Variants in GRM5 observed in about 807,000 individuals in gnomAD.
The protein encoded by GRM5 is glutamate metabotropic receptor 5.
In GRM5, 19 loss-of-function variants were observed where a neutral mutation model predicts 83.1. That is an observed-to-expected ratio of 0.23 (90% CI 0.16 to 0.34). GRM5 has a LOEUF of 0.34. Among genes scored for constraint, GRM5 ranks in the 10% least tolerant of loss-of-function variants. The pLI is 1.00. For synonymous variants in GRM5, 675 were observed against 633.6 expected, an observed-to-expected ratio of 1.07 and a Z score of -0.98; for missense variants, 1,160 against 1,588.3, an observed-to-expected ratio of 0.73 and a Z score of 4.58.
chr11:88,635,842 C>T (rs533047820), intron 4 of GRM5, among the ~76,000 whole-genome samples: 48 of 152,182 alleles, frequency 3.2e-4, no homozygotes, highest in African/African-American at 1.0e-3. Flanking sequence ...CTTTAATTCA[C>T]GTTGAGTTGA....
intron 3 of GRM5, among the ~76,000 whole-genome samples, chr11:88,717,479 G>A (rs903334636): frequency 2.0e-5 from 3 of 151,538 alleles, no homozygotes; most frequent in Admixed American, 1.3e-4. Flanking sequence ...TTTTACTGAT[G>A]AAGAAATTAA....
intron 2 of GRM5, among the ~76,000 whole-genome samples, chr11:88,942,134 G>A (rs1256612674): frequency 6.6e-6 from 1 of 152,070 alleles, no homozygotes; most frequent in African/African-American, 2.4e-5. Flanking sequence ...AATTTGTATG[G>A]CCTGTGTATA....
At chr11:88,574,885 C>G (rs192350901) in intron 7 of GRM5, among the ~76,000 whole-genome samples, 62 of 151,830 alleles carry the variant, frequency 4.1e-4, no homozygotes, top group Admixed American at 3.3e-3. Context: ...AAGAATGAGA[C>G]AGTAACCAGT....
chr11:88,647,857 A>G (rs1939507522), intron 4 of GRM5, among the ~76,000 whole-genome samples: 1 of 152,138 alleles, frequency 6.6e-6, no homozygotes. Context: ...ATCAACAGAC[A>G]CTTCTCAAAA....
chr11:88,740,409 A>G (rs1050625552), intron 3 of GRM5, among the ~76,000 whole-genome samples: 1 of 152,208 alleles, frequency 6.6e-6, no homozygotes, highest in African/African-American at 2.4e-5. Context: ...ACTATTAAAT[A>G]TATCTTGGAG....
At chr11:88,774,433 C>T (rs1021395749) in intron 3 of GRM5, among the ~76,000 whole-genome samples, 1 of 152,116 alleles carries the variant, frequency 6.6e-6, no homozygotes, top group Non-Finnish European at 1.5e-5. Flanking sequence ...TAATTGAATA[C>T]CCTTTATTTC....
intron 3 of GRM5, among the ~76,000 whole-genome samples, chr11:88,829,292 C>T (rs1024767624): frequency 2.6e-5 from 4 of 152,156 alleles, no homozygotes; most frequent in Non-Finnish European, 4.4e-5. Context: ...AAAACCCTGT[C>T]TCTACTAAAA....
chr11:89,023,140 A>AGT (rs61343398), intron 2 of GRM5, among the ~76,000 whole-genome samples: 53,236 of 146,708 alleles, frequency 0.36, 9,690 homozygotes, highest in Non-Finnish European at 0.41. Context: ...ATATGCAAAG[A>AGT]GTGTGTGTGT....
chr11:88,998,114 G>A (rs1002305590), intron 2 of GRM5, among the ~76,000 whole-genome samples: 1 of 150,730 alleles, frequency 6.6e-6, no homozygotes, highest in Non-Finnish European at 1.5e-5. Context: ...CAGTAAAGAA[G>A]GAAGGAAGGA....
chr11:88,885,814 A>G (rs1945035945), intron 2 of GRM5, among the ~76,000 whole-genome samples: 1 of 152,180 alleles, frequency 6.6e-6, no homozygotes, highest in African/African-American at 2.4e-5. Flanking sequence ...AGCAGCCTGG[A>G]AAGTTGAGCT....
intron 7 of GRM5, among the ~76,000 whole-genome samples, chr11:88,588,879 C>A (rs1245786242): frequency 1.3e-5 from 2 of 152,146 alleles, no homozygotes; most frequent in African/African-American, 4.8e-5. Context: ...ATATAGGCAA[C>A]AAGTGACACA....
chr11:88,713,158 T>G (rs1312513908), intron 3 of GRM5, among the ~76,000 whole-genome samples: 3 of 152,030 alleles, frequency 2.0e-5, no homozygotes, highest in Admixed American at 6.6e-5. Context: ...ACAGTGAACA[T>G]TTAGTTTAAA....
chr11:88,679,340 ATAAC>A (rs1236993697), intron 3 of GRM5, among the ~76,000 whole-genome samples: 4 of 152,136 alleles, frequency 2.6e-5, no homozygotes, highest in African/African-American at 9.7e-5. Context: ...AACACAGAGA[ATAAC>A]TAGCTTTGGG....
intron 2 of GRM5, among the ~76,000 whole-genome samples, chr11:88,892,851 G>C (rs1288008372): frequency 6.6e-6 from 1 of 151,990 alleles, no homozygotes; most frequent in South Asian, 2.1e-4. Context: ...TGCAAATTCT[G>C]CCAGGTAATG....
chr11:88,787,473 G>A (rs1276020339), intron 3 of GRM5, among the ~76,000 whole-genome samples: 1 of 151,996 alleles, frequency 6.6e-6, no homozygotes, highest in African/African-American at 2.4e-5. Flanking sequence ...AAGAGTTTTT[G>A]GAAAGTATCA....
chr11:88,856,222 C>T (rs975058935), intron 2 of GRM5, among the ~76,000 whole-genome samples: 5 of 152,116 alleles, frequency 3.3e-5, no homozygotes, highest in African/African-American at 1.2e-4. Context: ...ATTTTACTGA[C>T]AACTACTAGT....
At chr11:88,661,189 G>A (rs10765686) in intron 3 of GRM5, among the ~76,000 whole-genome samples, 108,403 of 152,152 alleles carry the variant, frequency 0.71, 43,526 homozygotes, top group South Asian at 0.92. Flanking sequence ...CTTAATGCTT[G>A]TTATAATGCT....
At chr11:88,901,355 C>A (rs1405783377) in intron 2 of GRM5, among the ~76,000 whole-genome samples, 1 of 152,134 alleles carries the variant, frequency 6.6e-6, no homozygotes. Flanking sequence ...CCTTCTTTCT[C>A]TTTTTATATT....
At chr11:88,602,116 C>T (rs1441297643) in intron 5 of GRM5, among the ~76,000 whole-genome samples, 1 of 151,802 alleles carries the variant, frequency 6.6e-6, no homozygotes, top group Non-Finnish European at 1.5e-5. Flanking sequence ...CAAAACATGA[C>T]ATTACCTGAA....
Sources: allele counts gnomAD v4.1 joint callset (sites outside exome capture counted in the v4.1 genomes callset), GRCh38; gene constraint gnomAD v4.1.1; transcripts MANE v1.5; gene names NCBI Gene and HGNC (gene_info 2026-07-23, HGNC 2026-07-21).